CA5A: variants seen among roughly 807,000 people sequenced by gnomAD.
CA5A encodes the protein carbonic anhydrase 5A, mitochondrial.
CA5A carries 28 observed loss-of-function variants against 37.1 expected under a neutral mutation model. The ratio of observed to expected loss-of-function variants is 0.75; its 90% CI spans 0.56 to 1.03. CA5A has a LOEUF of 1.03. CA5A is among the 50% of genes least tolerant of loss of function. The probability of loss-of-function intolerance (pLI) is 0.00; values close to 1 mark genes in which losing one functional copy is unlikely to be tolerated. For missense variants in CA5A, 444 were observed against 399.9 expected (o/e 1.11, Z -0.94); for synonymous variants, 171 against 158.4 (o/e 1.08, Z -0.60).
At chr16:87,904,153 C>A (rs1162967857) in intron 3 of CA5A, among the ~76,000 whole-genome samples, 1 of 152,018 alleles carries the variant, frequency 6.6e-6, no homozygotes, top group Non-Finnish European at 1.5e-5. Context: ...ACCAGCCTGG[C>A]CAACATGGCG....
In CA5A at chr16:87,904,856, T is replaced by A. The variant is rs761551409; in HGVS notation, c.389A>T (p.His130Leu). 2 of 1,613,332 alleles carry A rather than the reference T, an allele frequency of 1.2e-6. No homozygotes were observed. Among genetic ancestry groups the A allele is most frequent in the South Asian group, 1.1e-5 (1 of 91,064 alleles). The change falls in exon 3 of 7, where the codon CAC (histidine) becomes CTC (leucine). Residue 130 changes from histidine (H) to leucine (L), a missense_variant. Physicochemically the swap from His to Leu is moderately conservative, Grantham distance 99. Transcript: ENST00000649794. Reference sequence around the variant, plus strand: ...CTCGTTCACTGCTCCCCAGTGGAAGTGAAATTGCTTCAGTCTGTAGTGGTT... The same window carrying A: ...CTCGTTCACTGCTCCCCAGTGGAAGAGAAATTGCTTCAGTCTGTAGTGGTT... ...LENHYRLKQF[H>L]FHWGAVNEGG...
chr16:87,921,581 C>T (rs1382168977), intron 2 of CA5A, among the ~76,000 whole-genome samples: 1 of 151,338 alleles, frequency 6.6e-6, no homozygotes, highest in East Asian at 1.9e-4. Flanking sequence ...CAGGGCTGTT[C>T]TGAGTGGCCA....
chr16:87,890,161 G>T (rs1440310816), intron 6 of CA5A, among the ~76,000 whole-genome samples: 3 of 152,156 alleles, frequency 2.0e-5, no homozygotes, highest in Non-Finnish European at 4.4e-5. Context: ...GGCCACCCTG[G>T]CTTAATACTA....
intron 5 of CA5A, chr16:87,893,234 C>CCTCCT (rs747688952): frequency 3.3e-4 from 136 of 406,274 alleles, no homozygotes; most frequent in Non-Finnish European, 4.9e-4. Flanking sequence ...TTCCAGCGAT[C>CCTCCT]CTCCTGCCTC....
rs1567515017 is a variant in CA5A, at chr16:87,892,537, TAATAATAATAATAATAATA to T, written c.619-602_619-584del. Among the ~76,000 whole-genome samples, 292 of 118,986 alleles carry T rather than the reference TAATAATAATAATAATAATA, an allele frequency of 2.5e-3. 3 individuals carry two copies. The highest frequency in any genetic ancestry group is 0.011 in the African/African-American group (280 of 26,188). The allele number at this position is 118,986 out of a possible 152,430, so 78.1% of individuals were successfully genotyped here. On this transcript the variant is annotated intron_variant, in intron 5 of 6. Coordinates refer to ENST00000649794, the MANE Select transcript of CA5A (RefSeq NM_001739.2). ...ATAATAATAATAATAATAATAATAA[TAATAATAATAATAATAATA>T]AATTAATTAATAATAAAAATAAAAA... is the stretch of plus-strand genomic sequence containing the variant.
At chr16:87,900,342 C>T (rs546405346) in intron 5 of CA5A, among the ~76,000 whole-genome samples, 74 of 152,266 alleles carry the variant, frequency 4.9e-4, no homozygotes, top group Non-Finnish European at 9.3e-4. Context: ...GCAGATGGGG[C>T]GGCAGGGGGT....
In CA5A at chr16:87,893,774, C is replaced by T. The variant is rs188951500; in HGVS notation, c.619-1820G>A. 2.4e-3 allele frequency: 950 copies of T among 402,414 alleles called. 8 individuals are homozygous for T. Among genetic ancestry groups the T allele is most frequent in the Non-Finnish European group, 4.1e-3 (854 of 207,112 alleles). 24.9% of individuals were successfully genotyped at this position (402,414 alleles called of 1,614,324 possible). On this transcript the variant is annotated intron_variant, in intron 5 of 6. Coordinates refer to ENST00000649794, the MANE Select transcript of CA5A (RefSeq NM_001739.2). ...GATTATTTTGCATTGAATACACTCACAGCCAAAAAACAAAAAGAGTCAGGG... is the reference window on the plus strand; with the variant it reads ...GATTATTTTGCATTGAATACACTCATAGCCAAAAAACAAAAAGAGTCAGGG...
intron 1 of CA5A, among the ~76,000 whole-genome samples, chr16:87,932,527 C>T (rs2056421551): frequency 6.6e-6 from 1 of 152,256 alleles, no homozygotes; most frequent in Non-Finnish European, 1.5e-5. Flanking sequence ...AATCTCCACA[C>T]AGCCGACCCT....
At chr16:87,935,131 G>A (rs1406840182) in intron 1 of CA5A, among the ~76,000 whole-genome samples, 3 of 152,264 alleles carry the variant, frequency 2.0e-5, no homozygotes, top group Non-Finnish European at 1.5e-5. Flanking sequence ...CAGTCGGACT[G>A]CATGCCTGGG....
intron 2 of CA5A, among the ~76,000 whole-genome samples, chr16:87,912,220 T>G (rs2056061824): frequency 6.6e-6 from 1 of 152,126 alleles, no homozygotes; most frequent in Non-Finnish European, 1.5e-5. Flanking sequence ...GAGAATCGCT[T>G]GAACCCGGGA....
chr16:87,899,295 CTTTTTTTTTTTTTT>C (rs774174056), intron 5 of CA5A, among the ~76,000 whole-genome samples: 5 of 85,842 alleles, frequency 5.8e-5, no homozygotes, highest in East Asian at 3.7e-4. Flanking sequence ...CTCCTAAGGT[CTTTTTTTTTTTTTT>C]TTTTTTTTTT....
At chr16:87,888,327 T>G in intron 6 of CA5A, 55 bp from the exon 7 acceptor site, 4 of 1,534,172 alleles carry the variant, frequency 2.6e-6, no homozygotes, top group Non-Finnish European at 3.6e-6. Flanking sequence ...TGAGCCAGCC[T>G]CTGGGTGTCC....
intron 2 of CA5A, among the ~76,000 whole-genome samples, chr16:87,921,348 A>C (rs1294979240): frequency 1.3e-5 from 2 of 152,236 alleles, no homozygotes; most frequent in East Asian, 3.8e-4. Flanking sequence ...CTACATTCAG[A>C]GGCCCCGAAA....
chr16:87,883,344 T>G, downstream of CA5A: 1 of 146,512 alleles, frequency 6.8e-6, no homozygotes, highest in Non-Finnish European at 1.5e-5. Flanking sequence ...TTTTTTTTCT[T>G]TTTGAGATGG....
intron 3 of CA5A, among the ~76,000 whole-genome samples, chr16:87,903,494 T>TA (rs1488063914): frequency 1.3e-5 from 2 of 152,222 alleles, no homozygotes; most frequent in East Asian, 1.9e-4. Flanking sequence ...AAGTTGCAGA[T>TA]AGAGATACTA....
At chr16:87,898,347 C>A (rs1455161020) in intron 5 of CA5A, among the ~76,000 whole-genome samples, 6 of 152,210 alleles carry the variant, frequency 3.9e-5, no homozygotes, top group African/African-American at 1.4e-4. Context: ...AAGCCAAGGC[C>A]ATCTGCCCTT....
intron 6 of CA5A, among the ~76,000 whole-genome samples, chr16:87,889,650 G>C (rs2055685588): frequency 6.6e-6 from 1 of 151,958 alleles, no homozygotes; most frequent in Non-Finnish European, 1.5e-5. Context: ...GCTCATGCTT[G>C]TAATCCAGCT....
At chr16:87,884,330 G>A (rs923531465), downstream of CA5A, 5 of 151,108 alleles carry the variant, frequency 3.3e-5, no homozygotes, top group Non-Finnish European at 7.4e-5. Context: ...CACTTTGGGA[G>A]GCTGAGGCGG....
At chr16:87,898,983 C>T (rs1031277433) in intron 5 of CA5A, among the ~76,000 whole-genome samples, 2 of 152,074 alleles carry the variant, frequency 1.3e-5, no homozygotes, top group African/African-American at 2.4e-5. Context: ...GATCTATTCA[C>T]CTCAGTCTCC....
Sources: gnomAD v4.1 joint callset for allele counts (sites outside exome capture counted in the v4.1 genomes callset) on GRCh38, gnomAD v4.1.1 for gene constraint, MANE v1.5 for transcripts, NCBI Gene and HGNC (gene_info 2026-07-23, HGNC 2026-07-21) for gene names.